TBL3: variants seen among roughly 807,000 people sequenced by gnomAD.
TBL3 encodes the protein transducin beta like 3.
In TBL3, 71 loss-of-function variants were observed where a neutral mutation model predicts 102.7. The observed-to-expected ratio is 0.69, with a 90% CI of 0.57 to 0.84. TBL3 has a LOEUF of 0.84. Ranked by LOEUF, TBL3 falls within the 40% of genes least tolerant of loss-of-function variation. The pLI, the probability that TBL3 is intolerant of heterozygous loss-of-function variation, is 0.00. For synonymous variants in TBL3, 578 were observed against 477.7 expected (o/e 1.21, Z -2.74); for missense variants, 1,188 against 1,098.5 (o/e 1.08, Z -1.15).
Position 1,972,135 on chromosome 16 carries a change from G to T in TBL3, c.-30G>T, listed in dbSNP as rs2083365431. 1.4e-6 allele frequency: 2 copies of T among 1,471,612 alleles called. No individual in the cohort carries two copies. The highest frequency in any genetic ancestry group is 3.0e-5 in the African/African-American group (2 of 67,598). The allele number at this position is 1,471,612 out of a possible 1,614,324, so 91.2% of individuals were successfully genotyped here. A position where few individuals can be genotyped will look rare whatever the true frequency, so the allele number is the denominator to read the frequency against. ...GGCGGTGGCTGCCGGGACCCTAGCAGGTTTCAGCTGGAGCGGCGGCGGCGG... is the reference window on the plus strand; with the variant it reads ...GGCGGTGGCTGCCGGGACCCTAGCATGTTTCAGCTGGAGCGGCGGCGGCGG... On this transcript the variant is annotated 5_prime_UTR_variant, in exon 1 of 22. The change creates a new upstream start codon in the 5' untranslated region. Coordinates refer to ENST00000568546, the MANE Select transcript of TBL3 (RefSeq NM_006453.3).
chr16:1,979,736 T>C lies in TBL3; in HGVS notation c.*1051T>C. 1 of 1,386,168 alleles carries C rather than the reference T, an allele frequency of 7.2e-7. No individual in the cohort carries two copies. Among genetic ancestry groups the C allele is most frequent in the Non-Finnish European group, 9.7e-7 (1 of 1,030,220 alleles). 85.9% of individuals were successfully genotyped at this position (1,386,168 alleles called of 1,614,324 possible). A position where few individuals can be genotyped will look rare whatever the true frequency, so the allele number is the denominator to read the frequency against. ...TGCCCGCGGTGCTTCTGGCCCAGTC[T>C]TGCCACACGGTCAAGCCGCAGTGGT... On this transcript the variant is annotated 3_prime_UTR_variant, in exon 22 of 22. Coordinates refer to ENST00000568546, the MANE Select transcript of TBL3 (RefSeq NM_006453.3).
Position 1,981,324 on chromosome 16 carries a change from G to C in TBL3, c.*2639G>C. ...AAGCCTGTGGGGTCCTTGTGGAGCC[G>C]CCCCAGCTGAGTCCTTTGCAGCTTT... On this transcript the variant is annotated 3_prime_UTR_variant, in exon 22 of 22. Coordinates refer to ENST00000568546, the MANE Select transcript of TBL3 (RefSeq NM_006453.3). 5 of 1,449,040 alleles carry C rather than the reference G, an allele frequency of 3.5e-6. No homozygotes were observed. The highest frequency in any genetic ancestry group is 4.5e-6 in the Non-Finnish European group (5 of 1,103,798). The allele number at this position is 1,449,040 out of a possible 1,614,324, so 89.8% of individuals were successfully genotyped here. A position where few individuals can be genotyped will look rare whatever the true frequency, so the allele number is the denominator to read the frequency against.
In TBL3 at chr16:1,974,408, C is replaced by T. The variant is rs1334497270; in HGVS notation, c.222C>T (p.Leu74=). ...EDQEDITAFD[L]SPDNEVLVTA... The stretch of plus-strand genomic sequence containing the variant: ...AGGAGGACATCACTGCCTTTGACCT[C>T]AGCCCTGACAACGAGGTATGTGGGG... The change falls in exon 4 of 22, where the codon CTC becomes CTT. Residue 74 remains leucine (L), a synonymous_variant. Transcript: ENST00000568546. 2 of 1,610,442 alleles carry T rather than the reference C, an allele frequency of 1.2e-6. No homozygotes were observed. The highest frequency in any genetic ancestry group is 2.7e-5 in the African/African-American group (2 of 74,892).
rs760731402 is a variant in TBL3, at chr16:1,979,351, T to C, written c.*666T>C. On this transcript the variant is annotated 3_prime_UTR_variant, in exon 22 of 22. Coordinates refer to ENST00000568546, the MANE Select transcript of TBL3 (RefSeq NM_006453.3). ...AGTAGGCCCGCCCGGTCGCCGTACCTGCGAGGGGCGGGGTGTGGTTAGGGC... is the reference window on the plus strand; with the variant it reads ...AGTAGGCCCGCCCGGTCGCCGTACCCGCGAGGGGCGGGGTGTGGTTAGGGC... 20 of 1,580,784 alleles carry C rather than the reference T, an allele frequency of 1.3e-5. No homozygotes were observed. Among genetic ancestry groups the C allele is most frequent in the Non-Finnish European group, 1.7e-5 (20 of 1,170,602 alleles).
Position 1,981,083 on chromosome 16 carries a change from T to A in TBL3, c.*2398T>A. 6.2e-7 allele frequency: 1 copy of A among 1,611,350 alleles called. No individual in the cohort carries two copies. The highest frequency in any genetic ancestry group is 8.5e-7 in the Non-Finnish European group (1 of 1,178,088). On this transcript the variant is annotated 3_prime_UTR_variant, in exon 22 of 22. Coordinates refer to ENST00000568546, the MANE Select transcript of TBL3 (RefSeq NM_006453.3). Reference sequence around the variant, plus strand: ...GTCCAGGCACCCCCTTCCTATCCCTTGGGGCCACTAAGGACCCAGCCAGGT... The same window carrying A: ...GTCCAGGCACCCCCTTCCTATCCCTAGGGGCCACTAAGGACCCAGCCAGGT...
Position 1,980,165 on chromosome 16 carries a change from TGGGCAGGATCACCCGGCTGGGAA to T in TBL3, c.*1487_*1509del. On this transcript the variant is annotated 3_prime_UTR_variant, in exon 22 of 22. Transcript: ENST00000568546. ...CGAGAAAGAGGCTGCTCCTCTGGGG[TGGGCAGGATCACCCGGCTGGGAA>T]GGGCAGCCCGTACGAGTGAGAGGTA... The T allele has an allele frequency of 6.2e-7, 1 of 1,600,422 alleles. No individual in the cohort carries two copies. Among genetic ancestry groups the T allele is most frequent in the Non-Finnish European group, 8.5e-7 (1 of 1,176,324 alleles).
At position 1,980,383 on chromosome 16, in the gene TBL3, C is replaced by A; in HGVS notation, c.*1698C>A. The A allele has an allele frequency of 1.2e-6, 2 of 1,601,266 alleles. No homozygotes were observed. Among genetic ancestry groups the A allele is most frequent in the Non-Finnish European group, 1.7e-6 (2 of 1,179,098 alleles). ...GTCAGGCACCTGCCGGGTGGCAGCG[C>A]GGGCTCCAGGTCCAGGGGTTGCGGT... On this transcript the variant is annotated 3_prime_UTR_variant, in exon 22 of 22. Coordinates refer to ENST00000568546, the MANE Select transcript of TBL3 (RefSeq NM_006453.3).
chr16:1,976,558 C>T (rs1011909980), intron 13 of TBL3, among the ~76,000 whole-genome samples: 10 of 152,190 alleles, frequency 6.6e-5, no homozygotes, highest in African/African-American at 1.9e-4. Context: ...TGACCCTGCA[C>T]GAGGCCCAGG....
chr16:1,980,674 C>A lies in TBL3; in HGVS notation c.*1989C>A. ...GCCTGACCGAGAAGCTTTGGGAGAA[C>A]GCGGTCAGATCTCCGCAGCAGGCCC... is the stretch of plus-strand genomic sequence containing the variant. On this transcript the variant is annotated 3_prime_UTR_variant, in exon 22 of 22. Transcript: ENST00000568546. 1 of 1,607,066 alleles carries A rather than the reference C, an allele frequency of 6.2e-7. No homozygotes were observed. The highest frequency in any genetic ancestry group is 8.5e-7 in the Non-Finnish European group (1 of 1,177,108).
Position 1,981,591 on chromosome 16 carries a change from G to C in TBL3, c.*2906G>C, listed in dbSNP as rs1470775435. 4.4e-6 allele frequency: 1 copy of C among 225,694 alleles called. No individual in the cohort carries two copies. The highest frequency in any genetic ancestry group is 8.9e-6 in the Non-Finnish European group (1 of 111,842). 14.0% of individuals were successfully genotyped at this position (225,694 alleles called of 1,614,324 possible). On this transcript the variant is annotated 3_prime_UTR_variant, in exon 22 of 22. Coordinates refer to ENST00000568546, the MANE Select transcript of TBL3 (RefSeq NM_006453.3). ...CGCCACCTGTCCTGCCCACCTCTCTGGATTCCCCTACCCTGTGAGGTAATT... is the reference window on the plus strand; with the variant it reads ...CGCCACCTGTCCTGCCCACCTCTCTCGATTCCCCTACCCTGTGAGGTAATT...
In TBL3 at chr16:1,979,501, C is replaced by G. The variant is rs148518313; in HGVS notation, c.*816C>G. ...CCCGCGGGCACGGACAGCTCATCTG[C>G]GCGGCTGCTCTCGTAGGCGCGGGAA... On this transcript the variant is annotated 3_prime_UTR_variant, in exon 22 of 22. Transcript: ENST00000568546. The G allele has an allele frequency of 1.2e-6, 2 of 1,611,822 alleles. No homozygotes were observed. Among genetic ancestry groups the G allele is most frequent in the Middle Eastern group, 1.7e-4 (1 of 6,056 alleles).
intron 1 of TBL3, among the ~76,000 whole-genome samples, chr16:1,973,335 C>T (rs1261552598): frequency 6.6e-6 from 1 of 152,170 alleles, no homozygotes; most frequent in Non-Finnish European, 1.5e-5. Context: ...GAGGCTGAGG[C>T]AGGAGAATGG....
chr16:1,972,078 T>C lies in TBL3; in HGVS notation c.-87T>C. Reference sequence around the variant, plus strand: ...GCAGCGCGCCGGGAGTGTGGCGTTCTGTGAAGAGTTCGGTGCTAACCTCCC... The same window carrying C: ...GCAGCGCGCCGGGAGTGTGGCGTTCCGTGAAGAGTTCGGTGCTAACCTCCC... On this transcript the variant is annotated 5_prime_UTR_variant, in exon 1 of 22. Coordinates refer to ENST00000568546, the MANE Select transcript of TBL3 (RefSeq NM_006453.3). The C allele has an allele frequency of 3.7e-6, 5 of 1,367,904 alleles. No homozygotes were observed. The highest frequency in any genetic ancestry group is 4.8e-6 in the Non-Finnish European group (5 of 1,046,358). 84.7% of individuals were successfully genotyped at this position (1,367,904 alleles called of 1,614,324 possible). A position where few individuals can be genotyped will look rare whatever the true frequency, so the allele number is the denominator to read the frequency against.
At chr16:1,978,511 CGT>C in intron 21 of TBL3, 39 bp from the exon 22 acceptor site, 1 of 1,588,438 alleles carries the variant, frequency 6.3e-7, no homozygotes, top group Non-Finnish European at 8.6e-7. Flanking sequence ...TCCTGGTGGG[CGT>C]GTGGACCACC....
In TBL3 at chr16:1,972,182, C is replaced by T. The variant is rs2083365857; in HGVS notation, c.18C>T (p.Ala6=). Residue 6 remains alanine, a synonymous_variant, in exon 1 of 22, where the codon GCC becomes GCT. Transcript: ENST00000568546. MAETA[A]GVGRFKTNYA... is the part of the protein sequence containing the mutation. ...GCGGCAACATGGCAGAGACCGCGGCCGGAGTGGGCCGCTTCAAGACCAAGT... is the reference window on the plus strand; with the variant it reads ...GCGGCAACATGGCAGAGACCGCGGCTGGAGTGGGCCGCTTCAAGACCAAGT... 2 of 1,427,096 alleles carry T rather than the reference C, an allele frequency of 1.4e-6. No homozygotes were observed. The highest frequency in any genetic ancestry group is 1.8e-6 in the Non-Finnish European group (2 of 1,087,910). The allele number at this position is 1,427,096 out of a possible 1,614,324, so 88.4% of individuals were successfully genotyped here. A position where few individuals can be genotyped will look rare whatever the true frequency, so the allele number is the denominator to read the frequency against.
chr16:1,977,740 AG>A lies in TBL3; in HGVS notation c.1900del. ...CCCCATCTGACCCTAGTCTAACCCC[AG>A]GATGTGACCGAGGCGGAGCAGGCAG... On this transcript the variant is annotated splice_acceptor_variant, in intron 17 of 21. Transcript: ENST00000568546. LOFTEE classifies it high-confidence loss of function. The A allele has an allele frequency of 6.4e-7, 1 of 1,553,636 alleles. No individual in the cohort carries two copies. The highest frequency in any genetic ancestry group is 8.7e-7 in the Non-Finnish European group (1 of 1,148,024).
rs372627551 is a variant in TBL3, at chr16:1,980,575, C to T, written c.*1890C>T. 230 of 1,596,638 alleles carry T rather than the reference C, an allele frequency of 1.4e-4. No homozygotes were observed. Among genetic ancestry groups the T allele is most frequent in the Non-Finnish European group, 1.8e-4 (210 of 1,170,672 alleles). ...GGCACCACAAAAACGTACTGTGATA[C>T]GCCGCTTTGGGCTTCACTGGTCCCT... is the stretch of plus-strand genomic sequence containing the variant. On this transcript the variant is annotated 3_prime_UTR_variant, in exon 22 of 22. Coordinates refer to ENST00000568546, the MANE Select transcript of TBL3 (RefSeq NM_006453.3).
chr16:1,976,653 G>A (rs1022592008), intron 13 of TBL3, among the ~76,000 whole-genome samples, 161 bp from the exon 14 acceptor site: 2 of 152,144 alleles, frequency 1.3e-5, no homozygotes, highest in African/African-American at 4.8e-5. Flanking sequence ...ATGTAGACAG[G>A]GCTTGATCCT....
intron 11 of TBL3, 32 bp downstream of exon 11, chr16:1,975,981 G>A (rs911058245): frequency 1.9e-6 from 3 of 1,613,962 alleles, no homozygotes; most frequent in Non-Finnish European, 1.7e-6. Flanking sequence ...GACACCCTGG[G>A]AGCCGCCTCG....
Sources: allele counts gnomAD v4.1 joint callset (sites outside exome capture counted in the v4.1 genomes callset), GRCh38; gene constraint gnomAD v4.1.1; transcripts MANE v1.5; gene names NCBI Gene and HGNC (gene_info 2026-07-23, HGNC 2026-07-21).